Variants in SLC17A8 observed in about 807,000 individuals in gnomAD.
SLC17A8 encodes vesicular glutamate transporter 3.
Under a neutral mutation model 58.0 loss-of-function variants are expected in SLC17A8, and 31 were observed. The ratio of observed to expected loss-of-function variants is 0.53; its 90% CI spans 0.40 to 0.72. The LOEUF (loss-of-function observed/expected upper bound fraction) is 0.72, where lower values mean the gene tolerates loss of function less well. Ranked by LOEUF, SLC17A8 falls within the 30% of genes least tolerant of loss-of-function variation. SLC17A8 has a pLI of 0.00. For missense variants in SLC17A8, 655 were observed against 727.8 expected, an observed-to-expected ratio of 0.90 and a Z score of 1.15; for synonymous variants, 228 against 249.0, an observed-to-expected ratio of 0.92 and a Z score of 0.79.
At chr12:100,405,126 G>C (rs748443392) in intron 9 of SLC17A8, among the ~76,000 whole-genome samples, 3 of 152,230 alleles carry the variant, frequency 2.0e-5, no homozygotes, top group Non-Finnish European at 2.9e-5. Flanking sequence ...AGCATTTCGG[G>C]AAGAAAGCCT....
Position 100,386,692 on chromosome 12 carries a change from C to CTTTT in SLC17A8, c.355-4298_355-4295dup, listed in dbSNP as rs60474852. 3.6e-5 allele frequency among the ~76,000 whole-genome samples: 5 copies of CTTTT among 140,404 alleles called. 1 individual carries two copies. The highest frequency in any genetic ancestry group is 6.1e-5 in the Non-Finnish European group (4 of 65,412). The allele number at this position is 140,404 out of a possible 152,430, so 92.1% of individuals were successfully genotyped here. On this transcript the variant is annotated intron_variant, in intron 2 of 11. Transcript: ENST00000323346. ...TCCATTGGTGTGTATACCACATTTCCTTTTTTTTTTTTTTGAGATGGGGTC... is the reference window on the plus strand; with the variant it reads ...TCCATTGGTGTGTATACCACATTTCCTTTTTTTTTTTTTTTTTTGAGATGGGGTC...
chr12:100,409,981 A>T (rs1477899523), intron 9 of SLC17A8, among the ~76,000 whole-genome samples: 2 of 152,216 alleles, frequency 1.3e-5, no homozygotes, highest in Non-Finnish European at 2.9e-5. Flanking sequence ...CGTTAAGCAC[A>T]GGAGCAAATA....
At chr12:100,375,369 G>C (rs1041072299) in intron 1 of SLC17A8, among the ~76,000 whole-genome samples, 2 of 152,042 alleles carry the variant, frequency 1.3e-5, no homozygotes, top group Non-Finnish European at 2.9e-5. Flanking sequence ...TAGGAGAGAG[G>C]GAAGGAAGAA....
rs756332708 is a variant in SLC17A8, at chr12:100,402,637, G to A, written c.945G>A (p.Pro315=). 2.6e-5 allele frequency: 42 copies of A among 1,613,950 alleles called. No individual in the cohort carries two copies. Among genetic ancestry groups the A allele is most frequent in the Middle Eastern group, 1.6e-4 (1 of 6,062 alleles). The change falls in exon 8 of 12, where the codon CCG becomes CCA. Residue 315 remains proline, a synonymous_variant. Coordinates refer to ENST00000323346, the MANE Select transcript of SLC17A8 (RefSeq NM_139319.3). ...TPWKRFFTSL[P]VYAIIVANFC... ...GGAAAAGATTTTTCACATCTTTGCC[G>A]GTTTATGCAATCATTGTGGCAAATT...
intron 11 of SLC17A8, among the ~76,000 whole-genome samples, chr12:100,419,185 G>T (rs907480665): frequency 2.0e-5 from 3 of 152,152 alleles, no homozygotes; most frequent in African/African-American, 7.2e-5. Flanking sequence ...ACTATGTGAA[G>T]GGAAACCCCA....
chr12:100,390,508 G>A (rs573987603), intron 2 of SLC17A8, among the ~76,000 whole-genome samples: 5 of 151,880 alleles, frequency 3.3e-5, no homozygotes, highest in African/African-American at 4.8e-5. Flanking sequence ...CACCACGCCC[G>A]GCTAATTTTT....
intron 1 of SLC17A8, among the ~76,000 whole-genome samples, chr12:100,364,581 G>A (rs1158773193): frequency 6.6e-6 from 1 of 152,186 alleles, no homozygotes; most frequent in Non-Finnish European, 1.5e-5. Context: ...AACTGGCCAA[G>A]TCAGCCTGCC....
chr12:100,378,373 A>G (rs767679789), intron 1 of SLC17A8, among the ~76,000 whole-genome samples: 2 of 152,158 alleles, frequency 1.3e-5, no homozygotes, highest in Non-Finnish European at 2.9e-5. Flanking sequence ...GGGCATTGAT[A>G]ACCTTAAGTA....
chr12:100,378,988 G>A (rs1029252979), intron 1 of SLC17A8, among the ~76,000 whole-genome samples: 1 of 152,212 alleles, frequency 6.6e-6, no homozygotes, highest in Non-Finnish European at 1.5e-5. Context: ...CTGGAAGAAG[G>A]CAGATAATAT....
At chr12:100,403,116 T>C (rs1952803003) in intron 8 of SLC17A8, among the ~76,000 whole-genome samples, 1 of 152,210 alleles carries the variant, frequency 6.6e-6, no homozygotes, top group African/African-American at 2.4e-5. Flanking sequence ...CCATTCATTT[T>C]GCAGAACACC....
At chr12:100,380,596 C>T (rs1952628000) in intron 1 of SLC17A8, 105 bp from the exon 2 acceptor site, 3 of 1,263,448 alleles carry the variant, frequency 2.4e-6, no homozygotes, top group East Asian at 2.3e-5. Flanking sequence ...ATGGGTCTTC[C>T]TTTTTGTTTT....
intron 1 of SLC17A8, among the ~76,000 whole-genome samples, chr12:100,372,642 G>T (rs768105147): frequency 2.6e-5 from 4 of 152,178 alleles, no homozygotes; most frequent in Non-Finnish European, 5.9e-5. Flanking sequence ...GGTACTGGGG[G>T]TTAAGACTTC....
At position 100,393,442 on chromosome 12, in the gene SLC17A8, G is replaced by A. The variant is rs150737570; in HGVS notation, c.547G>A (p.Gly183Arg). 73 of 1,613,600 alleles carry A rather than the reference G, an allele frequency of 4.5e-5. No homozygotes were observed. The highest frequency in any genetic ancestry group is 5.7e-5 in the Non-Finnish European group (67 of 1,179,754). ...TCCCTCTGCAGCCAGAGTGCATTAC[G>A]GATGCGTCATGTGTGTCAGAATTCT... The part of the protein sequence containing the change: ...FIPSAARVHY[G>R]CVMCVRILQG... Residue 183 changes from glycine (G) to arginine (R), a missense_variant, in exon 4 of 12, where the codon GGA (glycine) becomes AGA (arginine). By Grantham distance (125) the Gly-to-Arg change is moderately radical. Transcript: ENST00000323346.
chr12:100,371,420 C>T (rs1323379079), intron 1 of SLC17A8, among the ~76,000 whole-genome samples: 3 of 152,138 alleles, frequency 2.0e-5, no homozygotes, highest in African/African-American at 7.2e-5. Context: ...AAGCACTCGC[C>T]ATTCGTCAGG....
intron 9 of SLC17A8, among the ~76,000 whole-genome samples, chr12:100,406,464 G>A (rs974122071): frequency 1.1e-4 from 16 of 152,106 alleles, no homozygotes; most frequent in Non-Finnish European, 1.9e-4. Flanking sequence ...CCTTGTCGGC[G>A]TATGCAGAGC....
chr12:100,403,905 C>A, intron 8 of SLC17A8, 133 bp from the exon 9 acceptor site: 2 of 956,442 alleles, frequency 2.1e-6, no homozygotes, highest in Non-Finnish European at 3.3e-6. Context: ...GCCTACCCAG[C>A]TCCCACATAA....
chr12:100,402,471 A>C lies in SLC17A8; in HGVS notation c.895A>C (p.Ser299Arg). 9 of 1,614,104 alleles carry C rather than the reference A, an allele frequency of 5.6e-6. No individual in the cohort carries two copies. Among genetic ancestry groups the C allele is most frequent in the Non-Finnish European group, 7.6e-6 (9 of 1,180,008 alleles). The change falls in exon 7 of 12, where the codon AGT becomes CGT. Residue 299 changes from serine (S) to arginine (R), a missense_variant. Physicochemically the swap from Ser to Arg is moderately radical, Grantham distance 110. Transcript: ENST00000323346. ...CATAGGAGAGGGGGCCAACGTGGTT[A>C]GTCTAAGTGTAAGTATAAAAAGTCA... The part of the protein sequence containing the change: ...TSIGEGANVV[S>R]LSKFSTPWKR...
chr12:100,360,125 C>T (rs556543285), intron 1 of SLC17A8, among the ~76,000 whole-genome samples: 3 of 152,268 alleles, frequency 2.0e-5, no homozygotes, highest in South Asian at 2.1e-4. Flanking sequence ...TCCTGGAAAA[C>T]AGTCATTGAT....
rs115154019 is a variant in SLC17A8, at chr12:100,381,183, A to T, written c.354+230A>T. On this transcript the variant is annotated intron_variant, in intron 2 of 11. Coordinates refer to ENST00000323346, the MANE Select transcript of SLC17A8 (RefSeq NM_139319.3). Reference sequence around the variant, plus strand: ...TCAGCATCTCAGATCAGTAGCTGAGACTACAATCCTGAGGAAACTGTTGAC... The same window carrying T: ...TCAGCATCTCAGATCAGTAGCTGAGTCTACAATCCTGAGGAAACTGTTGAC... Among the ~76,000 whole-genome samples the T allele has an allele frequency of 8.3e-3, 1,264 of 152,056 alleles. 24 individuals are homozygous for T. Among genetic ancestry groups the T allele is most frequent in the African/African-American group, 0.029 (1,221 of 41,436 alleles).
Sources: allele counts gnomAD v4.1 joint callset (sites outside exome capture counted in the v4.1 genomes callset), GRCh38; gene constraint gnomAD v4.1.1; transcripts MANE v1.5; gene names NCBI Gene and HGNC (gene_info 2026-07-23, HGNC 2026-07-21).